KANTR: variants seen among roughly 807,000 people sequenced by gnomAD.
KANTR encodes the protein KDM5C adjacent transcript.
chrX:53,096,095 C>A (rs1333035029), intron 1 of KANTR, among the ~76,000 whole-genome samples: 3 of 111,205 alleles, frequency 2.7e-5, no homozygotes, highest in African/African-American at 9.8e-5. Context: ...AGAGGGCCCC[C>A]CAACCATCCT....
exon 3 of KANTR, chrX:53,125,182 T>G (rs1046836524): frequency 1.8e-5 from 2 of 111,951 alleles, no homozygotes; most frequent in Admixed American, 9.5e-5. Context: ...GCATTTTTCT[T>G]TGAAACCTAT....
intron 2 of KANTR, among the ~76,000 whole-genome samples, chrX:53,111,941 C>T (rs1360488988): frequency 9.0e-6 from 1 of 111,289 alleles, no homozygotes; most frequent in Non-Finnish European, 1.9e-5. Context: ...TGGAAAGTCT[C>T]TTGTCTCTCC....
downstream of KANTR, among the ~76,000 whole-genome samples, chrX:53,144,434 G>A (rs782193404): frequency 2.7e-4 from 30 of 111,869 alleles, no homozygotes; most frequent in Non-Finnish European, 4.9e-4. Flanking sequence ...GGTGGCTCAC[G>A]CTTGTAATCC....
At chrX:53,098,328 C>T (rs1294541716) in intron 1 of KANTR, among the ~76,000 whole-genome samples, 1 of 111,896 alleles carries the variant, frequency 8.9e-6, no homozygotes, top group Non-Finnish European at 1.9e-5. Context: ...AAGATCATCC[C>T]AGCCTTCAGC....
chrX:53,095,613 A>G (rs1239585123), intron 1 of KANTR, among the ~76,000 whole-genome samples: 2 of 110,532 alleles, frequency 1.8e-5, no homozygotes, highest in Admixed American at 9.9e-5. Context: ...TATATTATAC[A>G]TATATCGCAC....
chrX:53,108,741 C>A, intron 2 of KANTR, among the ~76,000 whole-genome samples: 1 of 108,163 alleles, frequency 9.2e-6, no homozygotes. Context: ...CGCTCTGTAA[C>A]CCAGGCTGCA....
chrX:53,145,319 T>C (rs782439653), downstream of KANTR, among the ~76,000 whole-genome samples: 1 of 111,878 alleles, frequency 8.9e-6, no homozygotes, highest in Admixed American at 9.4e-5. Context: ...ACTGCGCTTT[T>C]CCAACAGTCT....
chrX:53,146,058 G>A (rs1477841581), downstream of KANTR, among the ~76,000 whole-genome samples: 1 of 111,826 alleles, frequency 8.9e-6, no homozygotes, highest in Non-Finnish European at 1.9e-5. Flanking sequence ...AAAAAACAGA[G>A]CAGAAAAAAC....
chrX:53,136,836 T>A (rs1175434878), intron 2 of KANTR, among the ~76,000 whole-genome samples: 1 of 94,065 alleles, frequency 1.1e-5, no homozygotes, highest in Non-Finnish European at 2.1e-5. Context: ...CTCCCTCTCC[T>A]AGGTTCAAAC....
intron 1 of KANTR, among the ~76,000 whole-genome samples, chrX:53,096,502 G>T (rs1321336334): frequency 2.7e-5 from 3 of 112,057 alleles, no homozygotes; most frequent in Non-Finnish European, 5.6e-5. Context: ...TGTCACTGAT[G>T]ATCTCCAATT....
intron 2 of KANTR, among the ~76,000 whole-genome samples, chrX:53,136,469 C>G (rs1425113622): frequency 4.9e-5 from 5 of 101,617 alleles, no homozygotes; most frequent in African/African-American, 1.8e-4. Flanking sequence ...AACTCCTCAC[C>G]TCAGGTGACC....
chrX:53,147,455 T>C (rs1933592740), downstream of KANTR, among the ~76,000 whole-genome samples: 2 of 111,311 alleles, frequency 1.8e-5, no homozygotes, highest in Non-Finnish European at 3.8e-5. Flanking sequence ...CAAGAGCACC[T>C]AGATTCATAA....
chrX:53,116,350 C>T (rs1304185596), intron 2 of KANTR, among the ~76,000 whole-genome samples: 2 of 112,182 alleles, frequency 1.8e-5, no homozygotes, highest in East Asian at 2.8e-4. Flanking sequence ...CACAGGGCCT[C>T]GCAGTCAGCC....
exon 3 of KANTR, chrX:53,141,976 C>T (rs1329512161): frequency 4.1e-5 from 14 of 337,617 alleles, no homozygotes; most frequent in Non-Finnish European, 5.6e-5. Context: ...ACCGGCAGGA[C>T]AGAAACAACT....
At chrX:53,097,599 C>T (rs1254116788) in intron 1 of KANTR, among the ~76,000 whole-genome samples, 5 of 105,264 alleles carry the variant, frequency 4.7e-5, no homozygotes, top group Admixed American at 4.1e-4. Flanking sequence ...GTGATCCACC[C>T]GCCTTGGCCT....
Position 53,124,109 on chromosome X carries a change from T to C in KANTR, c.-164T>C, listed in dbSNP as rs781924150. On this transcript the variant is annotated 5_prime_UTR_variant, in exon 3 of 3. Transcript: ENST00000604062. ...TGGCGGGAAGAGTTTTAACTACTGC[T>C]GTAACTCCTTTAGTAGCTATGGAAC... The C allele has an allele frequency of 2.8e-5, 8 of 284,392 alleles. No individual in the cohort carries two copies. In the South Asian group the frequency reaches 1.9e-3, roughly 68 times the overall value. The allele number at this position is 284,392 out of a possible 1,213,427, so 23.4% of individuals were successfully genotyped here.
downstream of KANTR, chrX:53,143,722 A>T: frequency 1.6e-6 from 1 of 638,055 alleles, no homozygotes; most frequent in Non-Finnish European, 2.6e-6. Context: ...CAGGGTCAGG[A>T]TGTCGTGCTT....
chrX:53,140,526 A>G (rs1158716290), intron 2 of KANTR, among the ~76,000 whole-genome samples: 2 of 107,724 alleles, frequency 1.9e-5, no homozygotes, highest in African/African-American at 6.8e-5. Flanking sequence ...AAAAAAGTAT[A>G]TGCATTTACT....
chrX:53,116,289 T>G (rs1933122496), intron 2 of KANTR, among the ~76,000 whole-genome samples: 1 of 112,217 alleles, frequency 8.9e-6, no homozygotes, highest in South Asian at 3.7e-4. Context: ...AAGCATTGCC[T>G]TCAAAGTCCA....
Sources: gnomAD v4.1 joint callset for allele counts (sites outside exome capture counted in the v4.1 genomes callset) on GRCh38, gnomAD v4.1.1 for gene constraint, MANE v1.5 for transcripts, NCBI Gene and HGNC (gene_info 2026-07-23, HGNC 2026-07-21) for gene names.